Variants in RALGPS1 observed in about 807,000 individuals in gnomAD.
RALGPS1 encodes Ral GEF with PH domain and SH3 binding motif 1, also known as ras-specific guanine nucleotide-releasing factor RalGPS1.
RALGPS1 carries 19 observed loss-of-function variants against 78.8 expected under a neutral mutation model. That is an observed-to-expected ratio of 0.24 (90% CI 0.17 to 0.35). The LOEUF is 0.35. Ranked by LOEUF, RALGPS1 falls within the 10% of genes least tolerant of loss-of-function variation. The pLI is 1.00. For synonymous variants in RALGPS1, 228 were observed against 256.3 expected, an observed-to-expected ratio of 0.89 and a Z score of 1.06; for missense variants, 454 against 688.3, an observed-to-expected ratio of 0.66 and a Z score of 3.81.
intron 1 of RALGPS1, among the ~76,000 whole-genome samples, chr9:126,922,489 TG>T (rs1241294796): frequency 6.6e-6 from 1 of 152,236 alleles, no homozygotes; most frequent in Non-Finnish European, 1.5e-5. Flanking sequence ...TAAATATTTA[TG>T]GAAAACAAGT....
intron 8 of RALGPS1, among the ~76,000 whole-genome samples, chr9:127,132,144 T>C (rs562331780): frequency 6.6e-6 from 1 of 152,174 alleles, no homozygotes; most frequent in Non-Finnish European, 1.5e-5. Context: ...GTTTGGCTTT[T>C]TTCAGGCATT....
rs564508301 is a variant in RALGPS1 at position 127,026,141 on chromosome 9, C to G, written c.217-8290C>G. Among the ~76,000 whole-genome samples the G allele has an allele frequency of 7.9e-5, 12 of 152,244 alleles. No homozygotes were observed. The South Asian group carries it at 2.5e-3, about 32-fold the overall frequency. On this transcript the variant is annotated intron_variant, in intron 4 of 18. Transcript: ENST00000259351. ...AATAGGCTGTCTGCAAGCTGAGGAG[C>G]AAGGAGACCCAGCCTGAGTCCCAAA...
chr9:127,153,062 T>C (rs1417248107), intron 8 of RALGPS1, among the ~76,000 whole-genome samples: 3 of 152,218 alleles, frequency 2.0e-5, no homozygotes, highest in African/African-American at 7.2e-5. Flanking sequence ...GTAGTTTTCT[T>C]ATCTTTCCTC....
intron 7 of RALGPS1, among the ~76,000 whole-genome samples, chr9:127,065,875 C>G (rs2049645173): frequency 6.6e-6 from 1 of 152,222 alleles, no homozygotes; most frequent in Non-Finnish European, 1.5e-5. Context: ...TCTCAGTTTT[C>G]AAATACATCA....
chr9:127,093,774 C>T, intron 8 of RALGPS1: 1 of 1,614,064 alleles, frequency 6.2e-7, no homozygotes, highest in Non-Finnish European at 8.5e-7. Flanking sequence ...ACAGAGCCAT[C>T]CAGGCGTCTC....
chr9:126,982,650 A>G (rs2041356140), intron 4 of RALGPS1, among the ~76,000 whole-genome samples: 1 of 151,844 alleles, frequency 6.6e-6, no homozygotes, highest in East Asian at 1.9e-4. Flanking sequence ...GTTTCCCTTT[A>G]TGTCAGTCTC....
intron 11 of RALGPS1, chr9:127,184,391 A>G (rs768880376): frequency 5.1e-5 from 15 of 296,446 alleles, no homozygotes; most frequent in Non-Finnish European, 7.9e-5. Flanking sequence ...GCTGACAGCG[A>G]GAACTCGTGA....
At chr9:126,925,239 C>G (rs1478482285) in intron 1 of RALGPS1, among the ~76,000 whole-genome samples, 1 of 151,702 alleles carries the variant, frequency 6.6e-6, no homozygotes, top group Non-Finnish European at 1.5e-5. Flanking sequence ...AAAATAATAA[C>G]AAGTACATAT....
chr9:127,107,911 T>C, intron 8 of RALGPS1: 1 of 1,526,968 alleles, frequency 6.5e-7, no homozygotes, highest in Non-Finnish European at 8.8e-7. Flanking sequence ...CCAGAAGCAC[T>C]TACCCGACGG....
intron 7 of RALGPS1, among the ~76,000 whole-genome samples, chr9:127,065,652 A>G (rs1354249977): frequency 1.3e-5 from 2 of 151,990 alleles, no homozygotes; most frequent in African/African-American, 2.4e-5. Flanking sequence ...CCTCCCCTCC[A>G]TGTGCCATCA....
intron 4 of RALGPS1, among the ~76,000 whole-genome samples, chr9:127,029,705 G>T (rs550107144): frequency 1.3e-5 from 2 of 152,224 alleles, no homozygotes; most frequent in Admixed American, 1.3e-4. Context: ...CCTGTGGCCC[G>T]ATGGCCTAGA....
intron 4 of RALGPS1, among the ~76,000 whole-genome samples, chr9:127,001,839 G>A (rs532139125): frequency 2.6e-5 from 4 of 152,306 alleles, no homozygotes; most frequent in African/African-American, 7.2e-5. Context: ...AGCCGAGATC[G>A]TGCCATTGCG....
At chr9:126,968,221 T>G (rs561785420) in intron 3 of RALGPS1, among the ~76,000 whole-genome samples, 4 of 152,222 alleles carry the variant, frequency 2.6e-5, no homozygotes, top group African/African-American at 9.6e-5. Context: ...CAGGATGGTC[T>G]CAATCTCCTG....
intron 1 of RALGPS1, among the ~76,000 whole-genome samples, chr9:126,957,382 C>T (rs1354580577): frequency 6.6e-6 from 1 of 151,572 alleles, no homozygotes; most frequent in Non-Finnish European, 1.5e-5. Context: ...TGTCTGGGCT[C>T]CCCTTGGGAA....
intron 7 of RALGPS1, among the ~76,000 whole-genome samples, chr9:127,067,633 T>C (rs1735853108): frequency 6.6e-6 from 1 of 152,254 alleles, no homozygotes; most frequent in Non-Finnish European, 1.5e-5. Context: ...TACGTCAGTC[T>C]GATGGACATG....
At chr9:127,207,784 T>C (rs999933285) in intron 14 of RALGPS1, among the ~76,000 whole-genome samples, 1 of 152,148 alleles carries the variant, frequency 6.6e-6, no homozygotes, top group African/African-American at 2.4e-5. Context: ...ACCCTAACTC[T>C]GTGTTCCTAA....
intron 11 of RALGPS1, among the ~76,000 whole-genome samples, chr9:127,193,102 G>A (rs1484406472): frequency 1.3e-5 from 2 of 152,164 alleles, no homozygotes; most frequent in African/African-American, 2.4e-5. Context: ...CCTGTAGGCT[G>A]GGGGAAGGAG....
chr9:127,170,301 A>G (rs1360977334), intron 10 of RALGPS1, among the ~76,000 whole-genome samples: 3 of 152,206 alleles, frequency 2.0e-5, no homozygotes, highest in African/African-American at 7.2e-5. Flanking sequence ...TCACCTGGGA[A>G]ACTCTAACCA....
At chr9:127,007,939 A>C (rs1294245698) in intron 4 of RALGPS1, among the ~76,000 whole-genome samples, 2 of 152,162 alleles carry the variant, frequency 1.3e-5, no homozygotes, top group Non-Finnish European at 2.9e-5. Context: ...AGCCATTCAG[A>C]GACTTTCCTG....
Sources: gnomAD v4.1 joint callset for allele counts (sites outside exome capture counted in the v4.1 genomes callset) on GRCh38, gnomAD v4.1.1 for gene constraint, MANE v1.5 for transcripts, NCBI Gene and HGNC (gene_info 2026-07-23, HGNC 2026-07-21) for gene names.